The following CNTN6 variants were observed in gnomAD, a reference collection of about 807,000 sequenced individuals.
CNTN6 encodes the protein contactin-6.
In CNTN6, 137 loss-of-function variants were observed where a neutral mutation model predicts 122.8. The ratio of observed to expected loss-of-function variants is 1.12; its 90% CI spans 0.97 to 1.29. The LOEUF (loss-of-function observed/expected upper bound fraction) is 1.29, where lower values mean the gene tolerates loss of function less well. CNTN6 is among the 50% of genes most tolerant of loss of function. The pLI, the probability that CNTN6 is intolerant of heterozygous loss-of-function variation, is 0.00. For synonymous variants in CNTN6, 570 were observed against 426.0 expected, an observed-to-expected ratio of 1.34 and a Z score of -4.16; for missense variants, 1,634 against 1,223.4, an observed-to-expected ratio of 1.34 and a Z score of -5.01.
chr3:1,233,346 A>G (rs187112106), intron 4 of CNTN6, among the ~76,000 whole-genome samples: 2 of 152,292 alleles, frequency 1.3e-5, no homozygotes, highest in Admixed American at 1.3e-4. Flanking sequence ...GTCTGGCCAT[A>G]CAAATACTAA....
At chr3:1,194,031 A>G (rs1242745449) in intron 2 of CNTN6, among the ~76,000 whole-genome samples, 2 of 152,078 alleles carry the variant, frequency 1.3e-5, no homozygotes, top group South Asian at 2.1e-4. Context: ...TCTCTGCATC[A>G]TGTCCATTTT....
chr3:1,131,256 A>G (rs2092328285), intron 1 of CNTN6, among the ~76,000 whole-genome samples: 2 of 152,102 alleles, frequency 1.3e-5, no homozygotes, highest in African/African-American at 4.8e-5. Flanking sequence ...GGTGTTAATT[A>G]TCCATGACTA....
At chr3:1,313,104 T>G (rs1428432518) in intron 7 of CNTN6, among the ~76,000 whole-genome samples, 4 of 152,030 alleles carry the variant, frequency 2.6e-5, no homozygotes, top group Non-Finnish European at 5.9e-5. Flanking sequence ...AAATTTGAGG[T>G]AACACAAGGC....
chr3:1,324,328 T>C (rs1002342820), intron 8 of CNTN6, among the ~76,000 whole-genome samples: 1 of 149,684 alleles, frequency 6.7e-6, no homozygotes, highest in Non-Finnish European at 1.5e-5. Context: ...TTGCGTTTTA[T>C]ATTGTGCACA....
At chr3:1,383,760 G>C (rs1018740168) in intron 19 of CNTN6, among the ~76,000 whole-genome samples, 6 of 152,218 alleles carry the variant, frequency 3.9e-5, no homozygotes, top group African/African-American at 1.4e-4. Flanking sequence ...AAGAGCAGCA[G>C]CTTGGAAGCA....
rs73818521 is a variant in CNTN6, at chr3:1,270,521, C to T, written c.359-7892C>T. ...GCAGAGTACTGGCATTTCTTTGCCC[C>T]GCAAAATGTTTTTGCCGTAGGCCAA... On this transcript the variant is annotated intron_variant, in intron 4 of 22. Coordinates refer to ENST00000446702, the MANE Select transcript of CNTN6 (RefSeq NM_001289080.2). 1.3e-3 allele frequency among the ~76,000 whole-genome samples: 200 copies of T among 152,218 alleles called. 1 individual carries two copies. Among genetic ancestry groups the T allele is most frequent in the African/African-American group, 4.3e-3 (178 of 41,522 alleles).
intron 5 of CNTN6, among the ~76,000 whole-genome samples, chr3:1,289,429 C>T (rs1324988393): frequency 6.6e-6 from 1 of 152,174 alleles, no homozygotes; most frequent in Non-Finnish European, 1.5e-5. Context: ...GCTGCTAGCT[C>T]TATTCCCCTC....
intron 12 of CNTN6, among the ~76,000 whole-genome samples, chr3:1,364,020 C>T (rs1236113583): frequency 6.6e-6 from 1 of 151,834 alleles, no homozygotes; most frequent in Non-Finnish European, 1.5e-5. Context: ...ATGTTGAGCA[C>T]ATTTTCACAT....
Position 1,402,470 on chromosome 3 carries a change from G to A in CNTN6, c.2970G>A (p.Arg990=). The change falls in exon 22 of 23, where the codon AGG becomes AGA. Residue 990 remains arginine, a synonymous_variant. Coordinates refer to ENST00000446702, the MANE Select transcript of CNTN6 (RefSeq NM_001289080.2). ...ATGGAAGCAGCAGTGAGGAAATTAGGATTCCAAAAATGTCAAGTAAGTTGA... is the reference window on the plus strand; with the variant it reads ...ATGGAAGCAGCAGTGAGGAAATTAGAATTCCAAAAATGTCAAGTAAGTTGA... ...GGDGSSSEEI[R]IPKMSSLSSR... 1 of 1,608,488 alleles carries A rather than the reference G, an allele frequency of 6.2e-7. No homozygotes were observed. Among genetic ancestry groups the A allele is most frequent in the Non-Finnish European group, 8.5e-7 (1 of 1,176,208 alleles).
At chr3:1,293,631 C>G (rs1695708060) in intron 5 of CNTN6, among the ~76,000 whole-genome samples, 1 of 152,122 alleles carries the variant, frequency 6.6e-6, no homozygotes, top group African/African-American at 2.4e-5. Flanking sequence ...TCTGTTTGGA[C>G]AAGAGGCTCC....
At chr3:1,202,478 T>G (rs1013145023) in intron 2 of CNTN6, among the ~76,000 whole-genome samples, 7 of 151,678 alleles carry the variant, frequency 4.6e-5, no homozygotes, top group African/African-American at 1.7e-4. Flanking sequence ...GGGGCGGAGC[T>G]TGCAGTGAGC....
intron 5 of CNTN6, among the ~76,000 whole-genome samples, chr3:1,281,950 A>G (rs3772315): frequency 0.35 from 53,705 of 151,434 alleles, 10,257 homozygotes; most frequent in East Asian, 0.54. Flanking sequence ...AGGCAGGCCT[A>G]TCAAATATAT....
At chr3:1,121,254 C>T (rs2091938744) in intron 1 of CNTN6, among the ~76,000 whole-genome samples, 1 of 140,940 alleles carries the variant, frequency 7.1e-6, no homozygotes, top group Non-Finnish European at 1.6e-5. Flanking sequence ...AACAAATTGA[C>T]AGGATCATTA....
chr3:1,134,119 G>C (rs558732389), intron 1 of CNTN6, among the ~76,000 whole-genome samples: 1 of 152,218 alleles, frequency 6.6e-6, no homozygotes, highest in South Asian at 2.1e-4. Context: ...CTGGGTACAA[G>C]GCCCCGATCG....
At chr3:1,391,909 TACAA>T (rs1415971327) in intron 20 of CNTN6, among the ~76,000 whole-genome samples, 1 of 152,022 alleles carries the variant, frequency 6.6e-6, no homozygotes, top group African/African-American at 2.4e-5. Context: ...TAAAAGAGGA[TACAA>T]ACAAATGGAA....
intron 20 of CNTN6, among the ~76,000 whole-genome samples, chr3:1,389,434 A>G (rs1448199063): frequency 6.6e-6 from 1 of 152,070 alleles, no homozygotes; most frequent in Non-Finnish European, 1.5e-5. Context: ...GAAAGGAACA[A>G]CCGGTACCAG....
At chr3:1,356,491 C>A (rs948295413) in intron 12 of CNTN6, among the ~76,000 whole-genome samples, 2 of 151,738 alleles carry the variant, frequency 1.3e-5, no homozygotes, top group African/African-American at 4.8e-5. Context: ...AAGAGAAATG[C>A]CCAAGATATG....
intron 5 of CNTN6, among the ~76,000 whole-genome samples, chr3:1,287,995 A>C (rs1694640109): frequency 6.6e-6 from 1 of 152,158 alleles, no homozygotes; most frequent in Admixed American, 6.5e-5. Flanking sequence ...TTCACTTTAC[A>C]GTGTTGGCTC....
chr3:1,381,185 G>A (rs155393), intron 17 of CNTN6, among the ~76,000 whole-genome samples: 1 of 151,958 alleles, frequency 6.6e-6, no homozygotes. Context: ...AATCCGAGAT[G>A]AAAGAAACTT....
Sources: allele counts gnomAD v4.1 joint callset (sites outside exome capture counted in the v4.1 genomes callset), GRCh38; gene constraint gnomAD v4.1.1; transcripts MANE v1.5; gene names NCBI Gene and HGNC (gene_info 2026-07-23, HGNC 2026-07-21).